The following TMIGD3 variants were observed in gnomAD, a reference collection of about 807,000 sequenced individuals.
TMIGD3 encodes the protein transmembrane and immunoglobulin domain containing 3.
Under a neutral mutation model 28.1 loss-of-function variants are expected in TMIGD3, and 21 were observed. The ratio of observed to expected loss-of-function variants is 0.75; its 90% CI spans 0.53 to 1.08. The LOEUF is 1.08. TMIGD3 is among the 50% of genes least tolerant of loss of function. TMIGD3 has a pLI of 0.00. For missense variants in TMIGD3, 416 were observed against 435.6 expected (o/e 0.96, Z 0.40); for synonymous variants, 151 against 162.1 (o/e 0.93, Z 0.52).
At chr1:111,500,468 A>G in intron 1 of TMIGD3, 1 of 1,614,180 alleles carries the variant, frequency 6.2e-7, no homozygotes, top group South Asian at 1.1e-5. Flanking sequence ...TTCCAGCCAA[A>G]CATGGGGGTC....
intron 1 of TMIGD3, among the ~76,000 whole-genome samples, chr1:111,501,546 AGC>A (rs1368371812): frequency 6.6e-6 from 1 of 152,234 alleles, no homozygotes; most frequent in Non-Finnish European, 1.5e-5. Flanking sequence ...TGTTTCTAAA[AGC>A]TTTACATATG....
intron 1 of TMIGD3, among the ~76,000 whole-genome samples, chr1:111,516,860 A>T (rs1325086436): frequency 1.3e-5 from 2 of 152,210 alleles, no homozygotes; most frequent in African/African-American, 4.8e-5. Context: ...CTGAGTGTTG[A>T]TGGGTAAACC....
intron 1 of TMIGD3, among the ~76,000 whole-genome samples, chr1:111,535,816 A>T (rs1341507393): frequency 1.3e-5 from 2 of 152,214 alleles, no homozygotes; most frequent in Non-Finnish European, 2.9e-5. Flanking sequence ...AAAAGGAATC[A>T]AAAAGATGTT....
intron 1 of TMIGD3, among the ~76,000 whole-genome samples, chr1:111,530,673 T>C (rs996524487): frequency 1.3e-5 from 2 of 152,240 alleles, no homozygotes; most frequent in Admixed American, 1.3e-4. Context: ...TCTGACATGA[T>C]GTCTTCTGCC....
At chr1:111,520,380 A>G (rs10857892) in intron 1 of TMIGD3, among the ~76,000 whole-genome samples, 125,480 of 152,164 alleles carry the variant, frequency 0.82, 53,323 homozygotes, top group East Asian at 0.99. Context: ...TTACAAGATC[A>G]TAAAATCAAC....
chr1:111,521,572 C>T (rs1656061469), intron 1 of TMIGD3, among the ~76,000 whole-genome samples: 1 of 152,064 alleles, frequency 6.6e-6, no homozygotes, highest in Admixed American at 6.6e-5. Flanking sequence ...GTATATCATC[C>T]TTGGTGAAGT....
intron 1 of TMIGD3, among the ~76,000 whole-genome samples, chr1:111,536,369 T>C (rs1162919465): frequency 6.6e-6 from 1 of 152,104 alleles, no homozygotes; most frequent in Non-Finnish European, 1.5e-5. Context: ...CCAAAGAAGC[T>C]AAAAGCCCTA....
chr1:111,485,495 A>C, intron 5 of TMIGD3: 124 of 341,900 alleles, frequency 3.6e-4, no homozygotes, highest in Middle Eastern at 8.4e-4. Context: ...TTGTCTCAGG[A>C]CCTCCTTCCT....
intron 1 of TMIGD3, among the ~76,000 whole-genome samples, chr1:111,526,804 C>T (rs530666135): frequency 6.6e-6 from 1 of 152,214 alleles, no homozygotes; most frequent in South Asian, 2.1e-4. Flanking sequence ...TTTCACTGCC[C>T]TAAAAATCAT....
intron 3 of TMIGD3, among the ~76,000 whole-genome samples, chr1:111,487,785 T>C (rs1417351025): frequency 1.3e-5 from 2 of 152,210 alleles, no homozygotes; most frequent in East Asian, 1.9e-4. Flanking sequence ...AGTTGGACCA[T>C]GAAATTTATA....
intron 2 of TMIGD3, 21 bp from the exon 3 acceptor site, chr1:111,489,045 A>T (rs772259077): frequency 1.9e-5 from 30 of 1,553,588 alleles, no homozygotes; most frequent in Non-Finnish European, 2.6e-5. Flanking sequence ...ACACACACAC[A>T]CGCACACGTG....
intron 1 of TMIGD3, chr1:111,542,197 G>T: frequency 1.9e-6 from 1 of 539,706 alleles, no homozygotes; most frequent in South Asian, 1.4e-5. Flanking sequence ...AGATCGTTTA[G>T]ACCAGCTTAA....
chr1:111,521,275 T>C (rs1375222185), intron 1 of TMIGD3, among the ~76,000 whole-genome samples: 1 of 152,184 alleles, frequency 6.6e-6, no homozygotes, highest in Non-Finnish European at 1.5e-5. Context: ...TGTGAGGACA[T>C]GTTTTTGGGG....
chr1:111,501,478 T>G (rs1472431803), intron 1 of TMIGD3: 1 of 152,174 alleles, frequency 6.6e-6, no homozygotes, highest in Non-Finnish European at 1.5e-5. Context: ...TGATGGCAAT[T>G]GTGAAAATAA....
intron 1 of TMIGD3, among the ~76,000 whole-genome samples, chr1:111,534,240 T>C (rs1180033014): frequency 2.0e-5 from 3 of 152,230 alleles, no homozygotes; most frequent in Non-Finnish European, 4.4e-5. Context: ...ACCTCATTCA[T>C]TGTAATGACA....
intron 1 of TMIGD3, among the ~76,000 whole-genome samples, chr1:111,551,971 A>G (rs1479266104): frequency 6.6e-6 from 1 of 152,252 alleles, no homozygotes; most frequent in Non-Finnish European, 1.5e-5. Flanking sequence ...CTAAATTCCC[A>G]GAAATGTAAG....
At chr1:111,530,260 TC>T (rs1260862492) in intron 1 of TMIGD3, among the ~76,000 whole-genome samples, 3 of 152,228 alleles carry the variant, frequency 2.0e-5, no homozygotes, top group Non-Finnish European at 4.4e-5. Context: ...CATTTTCCCT[TC>T]CTTGTGTTAA....
intron 1 of TMIGD3, among the ~76,000 whole-genome samples, chr1:111,531,306 A>G (rs1224293029): frequency 1.3e-5 from 2 of 151,722 alleles, no homozygotes; most frequent in Non-Finnish European, 2.9e-5. Flanking sequence ...AACCCAAAAC[A>G]TTATTTTTCC....
At chr1:111,494,586 T>C (rs1327686912) in intron 1 of TMIGD3, among the ~76,000 whole-genome samples, 1 of 152,166 alleles carries the variant, frequency 6.6e-6, no homozygotes, top group Non-Finnish European at 1.5e-5. Context: ...TCAATATCAT[T>C]AAAATGGCCA....
Sources: gnomAD v4.1 joint callset for allele counts (sites outside exome capture counted in the v4.1 genomes callset) on GRCh38, gnomAD v4.1.1 for gene constraint, MANE v1.5 for transcripts, NCBI Gene and HGNC (gene_info 2026-07-23, HGNC 2026-07-21) for gene names.